ZMYND8: variants seen among roughly 807,000 people sequenced by gnomAD.
ZMYND8 encodes MYND-type zinc finger-containing chromatin reader ZMYND8.
ZMYND8 carries 37 observed loss-of-function variants against 140.8 expected under a neutral mutation model. The ratio of observed to expected loss-of-function variants is 0.26; its 90% CI spans 0.20 to 0.35. The LOEUF (loss-of-function observed/expected upper bound fraction) is 0.35, where lower values mean the gene tolerates loss of function less well. Ranked by LOEUF, ZMYND8 falls within the 10% of genes least tolerant of loss-of-function variation. The probability of loss-of-function intolerance (pLI) is 1.00; values close to 1 mark genes in which losing one functional copy is unlikely to be tolerated. For missense variants in ZMYND8, 1,068 were observed against 1,570.0 expected (o/e 0.68, Z 5.40); for synonymous variants, 592 against 597.1 (o/e 0.99, Z 0.12).
intron 17 of ZMYND8, among the ~76,000 whole-genome samples, 153 bp from the exon 18 acceptor site, chr20:47,227,434 C>A (rs960096817): frequency 6.6e-6 from 1 of 152,118 alleles, no homozygotes; most frequent in Non-Finnish European, 1.5e-5. Context: ...GGTGGGTGAA[C>A]CCAAATTCAC....
chr20:47,269,707 C>G (rs1256217154), intron 11 of ZMYND8, among the ~76,000 whole-genome samples: 1 of 152,214 alleles, frequency 6.6e-6, no homozygotes, highest in South Asian at 2.1e-4. Flanking sequence ...TGCCCTTTCC[C>G]TCCCATGCAC....
chr20:47,224,931 T>A (rs2037476469), intron 18 of ZMYND8, among the ~76,000 whole-genome samples: 2 of 152,200 alleles, frequency 1.3e-5, no homozygotes, highest in South Asian at 4.1e-4. Context: ...ATCAATCAAA[T>A]ACCTATACAG....
chr20:47,310,680 G>A (rs1241842812), intron 2 of ZMYND8, among the ~76,000 whole-genome samples: 4 of 151,596 alleles, frequency 2.6e-5, no homozygotes, highest in Non-Finnish European at 5.9e-5. Context: ...CAGCTACTCG[G>A]GAGGCTGAGG....
intron 22 of ZMYND8, 45 bp from the exon 23 acceptor site, chr20:47,210,942 C>A: frequency 1.3e-6 from 2 of 1,597,594 alleles, no homozygotes; most frequent in Non-Finnish European, 1.7e-6. Context: ...CCCACCTGCG[C>A]CTGAGCACAA....
intron 11 of ZMYND8, among the ~76,000 whole-genome samples, chr20:47,265,983 G>C (rs1311500063): frequency 6.6e-6 from 1 of 152,186 alleles, no homozygotes; most frequent in Non-Finnish European, 1.5e-5. Context: ...TACCCAGCCA[G>C]TGAAGGGCAG....
intron 8 of ZMYND8, among the ~76,000 whole-genome samples, chr20:47,286,123 C>CA (rs999394953): frequency 6.7e-6 from 1 of 149,878 alleles, no homozygotes; most frequent in African/African-American, 2.4e-5. Context: ...GACCCTGCCT[C>CA]AAAAAATACA....
At chr20:47,241,402 AAC>A (rs1047000571) in intron 14 of ZMYND8, among the ~76,000 whole-genome samples, 2 of 152,190 alleles carry the variant, frequency 1.3e-5, no homozygotes, top group African/African-American at 4.8e-5. Flanking sequence ...AAGTTTGAAA[AAC>A]GCTGCCATAT....
chr20:47,236,198 TAAA>T, intron 16 of ZMYND8, 125 bp downstream of exon 16: 1 of 1,120,576 alleles, frequency 8.9e-7, no homozygotes, highest in Non-Finnish European at 1.3e-6. Flanking sequence ...ATTCTGTTTT[TAAA>T]AAAAAGGGTC....
chr20:47,251,523 G>A (rs1377990784), intron 12 of ZMYND8, among the ~76,000 whole-genome samples: 2 of 151,674 alleles, frequency 1.3e-5, no homozygotes, highest in Admixed American at 1.3e-4. Flanking sequence ...GGAGTTTGAG[G>A]CTGCAGTGAG....
intron 2 of ZMYND8, chr20:47,319,006 G>C: frequency 1.5e-6 from 2 of 1,351,500 alleles, no homozygotes; most frequent in South Asian, 1.1e-5. Context: ...GTTCAAAAGA[G>C]AACAGAGGCT....
At chr20:47,262,016 A>C (rs2075191841) in intron 12 of ZMYND8, among the ~76,000 whole-genome samples, 1 of 152,018 alleles carries the variant, frequency 6.6e-6, no homozygotes, top group Admixed American at 6.6e-5. Flanking sequence ...GGTTGCAGGG[A>C]GCCGAGACCG....
At chr20:47,273,390 A>G (rs1407295576) in intron 11 of ZMYND8, among the ~76,000 whole-genome samples, 1 of 152,112 alleles carries the variant, frequency 6.6e-6, no homozygotes, top group East Asian at 1.9e-4. Flanking sequence ...TACTAAAAAT[A>G]CAAAGAACAT....
intron 2 of ZMYND8, among the ~76,000 whole-genome samples, chr20:47,328,516 T>G (rs1325378835): frequency 6.6e-6 from 1 of 151,968 alleles, no homozygotes; most frequent in African/African-American, 2.4e-5. Flanking sequence ...CAAGCTGGAG[T>G]GCAGTGGCAT....
chr20:47,231,573 G>T (rs994603316), intron 16 of ZMYND8, among the ~76,000 whole-genome samples: 1 of 152,198 alleles, frequency 6.6e-6, no homozygotes, highest in African/African-American at 2.4e-5. Context: ...ATGCAATTGC[G>T]TAATTGCTGC....
In ZMYND8 at chr20:47,212,713, C is replaced by T; in HGVS notation, c.3497G>A (p.Cys1166Tyr). The change falls in exon 22 of 23, where the codon TGT (cysteine) becomes TAT (tyrosine). Residue 1166 changes from cysteine (C) to tyrosine (Y), a missense_variant. Coordinates refer to ENST00000471951, the MANE Select transcript of ZMYND8 (RefSeq NM_001281775.3). ...GSNQGSVSKR[C>Y]DKQPAYAPTT... ...TGGGGCATAGGCAGGTTGCTTGTCA[C>T]ACCTTTTGCTAACTGAAGAGATAGC... 1.2e-6 allele frequency: 2 copies of T among 1,611,972 alleles called. No homozygotes were observed. The highest frequency in any genetic ancestry group is 8.5e-7 in the Non-Finnish European group (1 of 1,178,610).
At chr20:47,255,740 A>ATATATATATATATATATATATACGG in intron 12 of ZMYND8, among the ~76,000 whole-genome samples, 1 of 34,874 alleles carries the variant, frequency 2.9e-5, no homozygotes, top group South Asian at 9.9e-4. Context: ...ATATATATAT[A>ATATATATATATATATATATATACGG]TATATATATA....
intron 2 of ZMYND8, chr20:47,319,522 A>G (rs2148333978): frequency 5.9e-6 from 1 of 170,426 alleles, no homozygotes; most frequent in Admixed American, 5.5e-5. Flanking sequence ...ATCCTTTCCC[A>G]CTAGACACAG....
At chr20:47,321,856 CTTTTTTTTTTTT>C (rs60425976) in intron 2 of ZMYND8, among the ~76,000 whole-genome samples, 5 of 123,480 alleles carry the variant, frequency 4.0e-5, no homozygotes, top group African/African-American at 1.6e-4. Context: ...ACTCGCCGCC[CTTTTTTTTTTTT>C]TTTTTTTTTT....
intron 12 of ZMYND8, among the ~76,000 whole-genome samples, chr20:47,259,086 A>G (rs2074969757): frequency 6.6e-6 from 1 of 152,032 alleles, no homozygotes; most frequent in Non-Finnish European, 1.5e-5. Context: ...TGAAAGACCC[A>G]CAGTGTCACG....
Sources: allele counts gnomAD v4.1 joint callset (sites outside exome capture counted in the v4.1 genomes callset), GRCh38; gene constraint gnomAD v4.1.1; transcripts MANE v1.5; gene names NCBI Gene and HGNC (gene_info 2026-07-23, HGNC 2026-07-21).